SUN1: variants seen among roughly 807,000 people sequenced by gnomAD.
SUN1 encodes the protein SUN domain-containing protein 1.
Under a neutral mutation model 103.2 loss-of-function variants are expected in SUN1, and 61 were observed. The ratio of observed to expected loss-of-function variants is 0.59; its 90% CI spans 0.48 to 0.73. The LOEUF (loss-of-function observed/expected upper bound fraction) is 0.73, where lower values mean the gene tolerates loss of function less well. Ranked by LOEUF, SUN1 falls within the 30% of genes least tolerant of loss-of-function variation. The probability of loss-of-function intolerance (pLI) is 0.00; values close to 1 mark genes in which losing one functional copy is unlikely to be tolerated. For synonymous variants in SUN1, 490 were observed against 425.7 expected, an observed-to-expected ratio of 1.15 and a Z score of -1.86; for missense variants, 1,052 against 1,034.6, an observed-to-expected ratio of 1.02 and a Z score of -0.23.
At chr7:829,775 C>T (rs1050193114), upstream of SUN1, among the ~76,000 whole-genome samples, 8 of 152,114 alleles carry the variant, frequency 5.3e-5, no homozygotes, top group East Asian at 5.8e-4. Flanking sequence ...AGGATGGTCT[C>T]GATCTCTCGA....
intron 11 of SUN1, among the ~76,000 whole-genome samples, 196 bp from the exon 12 acceptor site, chr7:856,162 T>TC (rs1827101331): frequency 6.6e-6 from 1 of 152,210 alleles, no homozygotes; most frequent in Non-Finnish European, 1.5e-5. Flanking sequence ...TGATTTGTGC[T>TC]CCTTTCTGCG....
intron 5 of SUN1, chr7:848,649 A>C: frequency 3.1e-6 from 4 of 1,294,786 alleles, no homozygotes; most frequent in Non-Finnish European, 4.0e-6. Flanking sequence ...TTTTTCCACC[A>C]ATCACACTTT....
intron 14 of SUN1, 108 bp downstream of exon 14, chr7:860,490 G>T: frequency 4.6e-6 from 7 of 1,529,164 alleles, no homozygotes; most frequent in Non-Finnish European, 6.1e-6. Flanking sequence ...AGAGTGGTCT[G>T]GCTGGGGTGT....
intron 5 of SUN1, among the ~76,000 whole-genome samples, chr7:846,986 A>G (rs1816477188): frequency 6.6e-6 from 1 of 152,226 alleles, no homozygotes; most frequent in Admixed American, 6.5e-5. Flanking sequence ...GCTAGGCCAC[A>G]GAGCAAGAGC....
rs76848128 is a variant in SUN1, at chr7:873,874, A to G, written c.*543A>G. ...AGTCTCCAGATGGGGAAATAACTAA[A>G]ATGTGTTTTTCTGCTTTGTTCGCTC... On this transcript the variant is annotated 3_prime_UTR_variant, in exon 19 of 19. Transcript: ENST00000401592. The G allele has an allele frequency of 0.029, 4,378 of 152,870 alleles. 100 individuals are homozygous for G. Among genetic ancestry groups the G allele is most frequent in the Non-Finnish European group, 0.043 (2,932 of 68,198 alleles). The allele number at this position is 152,870 out of a possible 1,614,324, so 9.5% of individuals were successfully genotyped here.
chr7:828,452 A>G (rs1474883064), upstream of SUN1, among the ~76,000 whole-genome samples: 1 of 151,686 alleles, frequency 6.6e-6, no homozygotes, highest in African/African-American at 2.4e-5. Context: ...TTATATATTT[A>G]GTAGAGACGG....
At chr7:862,966 C>T (rs1833361021) in intron 15 of SUN1, among the ~76,000 whole-genome samples, 1 of 152,102 alleles carries the variant, frequency 6.6e-6, no homozygotes, top group Admixed American at 6.5e-5. Context: ...CAGGGTGAAA[C>T]CCCTTCTCTA....
chr7:842,720 A>G lies in SUN1; in HGVS notation c.452-486A>G, dbSNP rs2128301545. On this transcript the variant is annotated intron_variant, in intron 3 of 18. Coordinates refer to ENST00000401592, the MANE Select transcript of SUN1 (RefSeq NM_001130965.3). ...AAGGGGCGCCCAGCCGCTCATCTGC[A>G]TTCGGTTTATGTTCTGGTTGGCCCT... Among the ~76,000 whole-genome samples the G allele has an allele frequency of 2.0e-5, 3 of 152,342 alleles. No individual in the cohort carries two copies. In the South Asian group the frequency reaches 6.2e-4, roughly 32 times the overall value.
At chr7:857,017 G>C (rs575265191) in intron 12 of SUN1, among the ~76,000 whole-genome samples, 2 of 152,186 alleles carry the variant, frequency 1.3e-5, no homozygotes, top group African/African-American at 4.8e-5. Context: ...CTCACTCAGG[G>C]CGGCTTTCTT....
intron 5 of SUN1, chr7:849,426 C>A: frequency 1.0e-6 from 1 of 973,478 alleles, no homozygotes; most frequent in South Asian, 1.4e-5. Flanking sequence ...GCTAGCCTTG[C>A]ACATCCTCTG....
At chr7:849,420 G>A in intron 5 of SUN1, 9 of 911,160 alleles carry the variant, frequency 9.9e-6, no homozygotes, top group Non-Finnish European at 1.6e-6. Context: ...GAAGTGGCTA[G>A]CCTTGCACAT....
At chr7:869,059 C>G (rs1839519241) in intron 16 of SUN1, 1 of 402,558 alleles carries the variant, frequency 2.5e-6, no homozygotes, top group Non-Finnish European at 4.6e-6. Context: ...TTGCCACGAC[C>G]AAGGACCATT....
chr7:859,390 A>G (rs887032358), intron 13 of SUN1, among the ~76,000 whole-genome samples: 3 of 152,178 alleles, frequency 2.0e-5, no homozygotes, highest in African/African-American at 7.2e-5. Flanking sequence ...AAATACATGC[A>G]CTTTTTGAAA....
At chr7:848,967 T>C (rs1306598036) in intron 5 of SUN1, among the ~76,000 whole-genome samples, 1 of 152,250 alleles carries the variant, frequency 6.6e-6, no homozygotes, top group Admixed American at 6.5e-5. Context: ...TTTTTTCTTT[T>C]TGAGACGGAG....
At chr7:821,794 A>G (rs1786297252) in intron 1 of SUN1, among the ~76,000 whole-genome samples, 1 of 152,150 alleles carries the variant, frequency 6.6e-6, no homozygotes, top group Admixed American at 6.5e-5. Flanking sequence ...ATTCCAGTTA[A>G]GCGGTCCTGA....
At chr7:849,985 C>G in intron 5 of SUN1, 1 of 1,602,178 alleles carries the variant, frequency 6.2e-7, no homozygotes, top group Non-Finnish European at 8.5e-7. Flanking sequence ...GCAGTCGCCA[C>G]GGCTGCCCGG....
chr7:858,452 C>T (rs147686656), intron 13 of SUN1, among the ~76,000 whole-genome samples: 109 of 152,186 alleles, frequency 7.2e-4, no homozygotes, highest in African/African-American at 2.5e-3. Context: ...TTCAGTGCTC[C>T]GTAGACTTCC....
At chr7:857,992 A>T (rs1357808501) in intron 13 of SUN1, 35 bp downstream of exon 13, 8 of 1,519,564 alleles carry the variant, frequency 5.3e-6, no homozygotes, top group Non-Finnish European at 7.1e-6. Context: ...TTGTTTTATA[A>T]TAGAAAGTAA....
At chr7:855,792 C>T (rs1419102480) in intron 11 of SUN1, among the ~76,000 whole-genome samples, 2 of 152,034 alleles carry the variant, frequency 1.3e-5, no homozygotes, top group East Asian at 1.9e-4. Context: ...GCGCCTCCTC[C>T]TCTGTCCACC....
Sources: gnomAD v4.1 joint callset for allele counts (sites outside exome capture counted in the v4.1 genomes callset) on GRCh38, gnomAD v4.1.1 for gene constraint, MANE v1.5 for transcripts, NCBI Gene and HGNC (gene_info 2026-07-23, HGNC 2026-07-21) for gene names.